The following TCF4 variants were observed in gnomAD, a reference collection of about 807,000 sequenced individuals.
The protein encoded by TCF4 is transcription factor 4, also known as SL3-3 enhancer factor 2.
TCF4 carries 3 observed loss-of-function variants against 82.1 expected under a neutral mutation model. The ratio of observed to expected loss-of-function variants is 0.04; its 90% CI spans 0.02 to 0.09. The LOEUF (loss-of-function observed/expected upper bound fraction) is 0.09. Among genes scored for constraint, TCF4 ranks in the 10% least tolerant of loss-of-function variants. The pLI is 1.00. For missense variants in TCF4, 518 were observed against 852.7 expected (o/e 0.61, Z 4.89); for synonymous variants, 276 against 309.6 (o/e 0.89, Z 1.14).
At chr18:55,336,606 A>G (rs1357823879) in intron 8 of TCF4, among the ~76,000 whole-genome samples, 1 of 152,188 alleles carries the variant, frequency 6.6e-6, no homozygotes, top group African/African-American at 2.4e-5. Flanking sequence ...TTTGAAGGCC[A>G]GCAATGAAAG....
At chr18:55,266,686 C>A (rs2059261492) in intron 11 of TCF4, 1 of 151,898 alleles carries the variant, frequency 6.6e-6, no homozygotes, top group East Asian at 1.9e-4. Context: ...TTAATGTAAT[C>A]CAAGTAAGCT....
intron 16 of TCF4, among the ~76,000 whole-genome samples, chr18:55,233,606 A>G (rs561588873): frequency 3.3e-5 from 5 of 152,254 alleles, no homozygotes; most frequent in African/African-American, 1.2e-4. Context: ...ACTTGAGGTC[A>G]GGAATTCAAG....
chr18:55,255,428 G>A (rs1046189715), intron 14 of TCF4, among the ~76,000 whole-genome samples: 3 of 152,144 alleles, frequency 2.0e-5, no homozygotes, highest in Non-Finnish European at 4.4e-5. Context: ...CCCAACTATA[G>A]CATAGAATTC....
At chr18:55,240,672 T>C (rs544327954) in intron 15 of TCF4, among the ~76,000 whole-genome samples, 5 of 152,342 alleles carry the variant, frequency 3.3e-5, no homozygotes, top group African/African-American at 4.8e-5. Context: ...AAACAAGACC[T>C]ACCTCTAATA....
chr18:55,588,386 C>T (rs2097673534), upstream of TCF4: 1 of 1,532,114 alleles, frequency 6.5e-7, no homozygotes, highest in Non-Finnish European at 8.7e-7. Flanking sequence ...GCATCCCCCT[C>T]GCACCCACCC....
At chr18:55,627,374 A>G (rs2097727465) in intron 2 of TCF4, among the ~76,000 whole-genome samples, 1 of 152,134 alleles carries the variant, frequency 6.6e-6, no homozygotes, top group Non-Finnish European at 1.5e-5. Context: ...ATATACATAC[A>G]TGAAAAAAAG....
rs951763493 is a variant in TCF4, at chr18:55,313,572, A to T, written c.550-33916T>A. Among the ~76,000 whole-genome samples the T allele has an allele frequency of 7.2e-5, 11 of 152,152 alleles. No homozygotes were observed. In the East Asian group the frequency reaches 1.5e-3, roughly 21 times the overall value. On this transcript the variant is annotated intron_variant, in intron 8 of 19. Transcript: ENST00000354452. ...CTCAAAATTTAAAAAAGAAAAGGAA[A>T]GGACAGGGAAGGCATTATTTATTCT... is the stretch of plus-strand genomic sequence containing the variant.
chr18:55,420,474 C>T (rs114556584), intron 5 of TCF4, among the ~76,000 whole-genome samples: 2,129 of 152,240 alleles, frequency 0.014, 69 homozygotes, highest in African/African-American at 0.047. Context: ...CACGGGACAA[C>T]GAATCACCCT....
At chr18:55,510,556 A>G (rs1367756613) in intron 3 of TCF4, 2 of 1,469,840 alleles carry the variant, frequency 1.4e-6, no homozygotes, top group African/African-American at 2.8e-5. Flanking sequence ...AGCTTTTAAA[A>G]TACAAGTTAC....
rs761025578 is a variant in TCF4, at chr18:55,350,320, A to T, written c.549+39T>A. On this transcript the variant is annotated intron_variant, in intron 8 of 19. Coordinates refer to ENST00000354452, the MANE Select transcript of TCF4 (RefSeq NM_001083962.2). ...CTTCCCATCAATACAAAACAGAACA[A>T]AATAAGCAATATACAAAGCAGAAAC... 1.9e-6 allele frequency: 3 copies of T among 1,602,656 alleles called. No individual in the cohort carries two copies. The South Asian group carries it at 3.3e-5, about 18-fold the overall frequency.
chr18:55,427,395 A>G (rs1271552477), intron 5 of TCF4, among the ~76,000 whole-genome samples: 2 of 152,214 alleles, frequency 1.3e-5, no homozygotes, highest in South Asian at 2.1e-4. Flanking sequence ...AATAGTTACT[A>G]TTAACTACAT....
chr18:55,337,709 T>C (rs901551348), intron 8 of TCF4, among the ~76,000 whole-genome samples: 9 of 152,330 alleles, frequency 5.9e-5, no homozygotes, highest in Non-Finnish European at 1.2e-4. Flanking sequence ...TTTGGGTGTC[T>C]GTATACAAGG....
At chr18:55,575,919 A>C (rs924314394) in intron 3 of TCF4, among the ~76,000 whole-genome samples, 1 of 152,224 alleles carries the variant, frequency 6.6e-6, no homozygotes, top group Non-Finnish European at 1.5e-5. Context: ...CGCATTTCTC[A>C]ATATATAATA....
rs114351569 is a variant in TCF4, at chr18:55,345,494, C to T, written c.549+4865G>A. On this transcript the variant is annotated intron_variant, in intron 8 of 19. Coordinates refer to ENST00000354452, the MANE Select transcript of TCF4 (RefSeq NM_001083962.2). ...GATGACTTAATTGTGCCACTCTTAA[C>T]CTCCTTCTTGCCTAAACATTAATAA... Among the ~76,000 whole-genome samples, 1,113 of 152,230 alleles carry T rather than the reference C, an allele frequency of 7.3e-3. 16 individuals carry two copies. Among genetic ancestry groups the T allele is most frequent in the African/African-American group, 0.025 (1,059 of 41,546 alleles).
At chr18:55,577,155 TATGTATATATACATTTATATATTTATAA>T (rs1568443232) in intron 3 of TCF4, among the ~76,000 whole-genome samples, 4 of 144,528 alleles carry the variant, frequency 2.8e-5, no homozygotes, top group Non-Finnish European at 6.0e-5. Flanking sequence ...TATATTTATA[TATGTATATATACATTTATATATTTATAA>T]ATGTATATAT....
chr18:55,423,758 G>A (rs747672699), intron 5 of TCF4: 2 of 152,522 alleles, frequency 1.3e-5, no homozygotes, highest in African/African-American at 2.4e-5. Context: ...GTCCATGAGT[G>A]ACCCTCCTCA....
chr18:55,575,344 G>A (rs972845044), intron 3 of TCF4, among the ~76,000 whole-genome samples: 2 of 152,108 alleles, frequency 1.3e-5, no homozygotes, highest in Non-Finnish European at 2.9e-5. Context: ...AACTGACATC[G>A]TTTAATATTT....
chr18:55,402,253 A>C, intron 6 of TCF4: 1 of 984,854 alleles, frequency 1.0e-6, no homozygotes, highest in Non-Finnish European at 1.2e-6. Context: ...AAAAATGCAA[A>C]TATATACAGG....
chr18:55,499,363 G>A (rs17596995), intron 3 of TCF4, among the ~76,000 whole-genome samples: 22,953 of 152,176 alleles, frequency 0.15, 2,255 homozygotes, highest in South Asian at 0.21. Flanking sequence ...CTGAGAACAG[G>A]GTACCAATAA....
Sources: gnomAD v4.1 joint callset for allele counts (sites outside exome capture counted in the v4.1 genomes callset) on GRCh38, gnomAD v4.1.1 for gene constraint, MANE v1.5 for transcripts, NCBI Gene and HGNC (gene_info 2026-07-23, HGNC 2026-07-21) for gene names.